The following TBPL1 variants were observed in gnomAD, a reference collection of about 807,000 sequenced individuals.
The protein encoded by TBPL1 is TATA-box binding protein like 1.
A neutral mutation model predicts 22.1 loss-of-function variants in TBPL1; 4 were observed. The observed-to-expected ratio is 0.18, with a 90% CI of 0.09 to 0.41. The LOEUF is 0.41. TBPL1 is among the 10% of genes least tolerant of loss of function. The pLI, the probability that TBPL1 is intolerant of heterozygous loss-of-function variation, is 1.00. For synonymous variants in TBPL1, 64 were observed against 71.0 expected, an observed-to-expected ratio of 0.90 and a Z score of 0.50; for missense variants, 115 against 222.3, an observed-to-expected ratio of 0.52 and a Z score of 3.07.
At chr6:133,973,254 G>T (rs1776255992) in intron 1 of TBPL1, among the ~76,000 whole-genome samples, 1 of 152,126 alleles carries the variant, frequency 6.6e-6, no homozygotes, top group African/African-American at 2.4e-5. Flanking sequence ...TTCCTATTGT[G>T]TTTGCAAATC....
intron 1 of TBPL1, among the ~76,000 whole-genome samples, chr6:133,965,304 C>T (rs1336242826): frequency 6.6e-6 from 1 of 152,102 alleles, no homozygotes; most frequent in African/African-American, 2.4e-5. Context: ...AGTAGGGGCA[C>T]ATATAAGACC....
chr6:133,974,532 T>A (rs1776280894), intron 1 of TBPL1, among the ~76,000 whole-genome samples: 1 of 152,208 alleles, frequency 6.6e-6, no homozygotes, highest in Non-Finnish European at 1.5e-5. Context: ...TTTCACCGTG[T>A]TGGTCAGGCT....
At chr6:133,957,711 G>A (rs1036277987) in intron 1 of TBPL1, among the ~76,000 whole-genome samples, 5 of 152,168 alleles carry the variant, frequency 3.3e-5, no homozygotes, top group Admixed American at 6.5e-5. Flanking sequence ...TAATGGCATG[G>A]CCTTAAATAT....
At chr6:133,975,330 TTAAG>T (rs1468570606) in intron 1 of TBPL1, among the ~76,000 whole-genome samples, 15 of 152,160 alleles carry the variant, frequency 9.9e-5, no homozygotes, top group Admixed American at 3.9e-4. Context: ...GAAAATTTAA[TTAAG>T]CAAAATAGAC....
At chr6:133,961,867 A>G (rs1270225527) in intron 1 of TBPL1, among the ~76,000 whole-genome samples, 1 of 152,138 alleles carries the variant, frequency 6.6e-6, no homozygotes, top group East Asian at 1.9e-4. Flanking sequence ...CATAGATCAC[A>G]TTCTCTTGAT....
At chr6:133,976,909 C>T (rs764026569) in intron 1 of TBPL1, among the ~76,000 whole-genome samples, 91 of 149,286 alleles carry the variant, frequency 6.1e-4, no homozygotes, top group Non-Finnish European at 1.0e-3. Context: ...CGGAGGTTGC[C>T]GTGAGCCAAG....
At chr6:133,985,219 C>T (rs1776486202) in intron 6 of TBPL1, among the ~76,000 whole-genome samples, 1 of 141,776 alleles carries the variant, frequency 7.1e-6, no homozygotes, top group Admixed American at 7.5e-5. Context: ...GCGGAGGTTG[C>T]AGCGAGCTGA....
In TBPL1 at chr6:133,987,511, T is replaced by A. The variant is rs1776549219; in HGVS notation, c.*471T>A. On this transcript the variant is annotated 3_prime_UTR_variant, in exon 7 of 7. Transcript: ENST00000237264. ...AAAGATCTCTCTTCATTCTATAACT[T>A]TTATTCCCCATTTTCTATTTTAACA... 6.6e-6 allele frequency: 1 copy of A among 152,528 alleles called. No homozygotes were observed. Among genetic ancestry groups the A allele is most frequent in the African/African-American group, 2.4e-5 (1 of 41,442 alleles). 9.4% of individuals were successfully genotyped at this position (152,528 alleles called of 1,614,324 possible). A position where few individuals can be genotyped will look rare whatever the true frequency, so the allele number is the denominator to read the frequency against.
At chr6:133,967,860 A>G (rs1185048672) in intron 1 of TBPL1, among the ~76,000 whole-genome samples, 1 of 152,200 alleles carries the variant, frequency 6.6e-6, no homozygotes, top group East Asian at 1.9e-4. Context: ...TTTTTATAAA[A>G]TCCTTTGCTG....
chr6:133,967,288 A>G (rs1449574243), intron 1 of TBPL1, among the ~76,000 whole-genome samples: 4 of 152,224 alleles, frequency 2.6e-5, no homozygotes, highest in Non-Finnish European at 5.9e-5. Flanking sequence ...GGAGTGGATC[A>G]CATGTAGAAG....
rs1776574868 is a variant in TBPL1, at chr6:133,988,735, A to ATTT, written c.*1695_*1696insTTT. ...AGACTTGTATTTTTCCTTTTTTTTA[A>ATTT]AAAAAAAGTGTTTATTTCCTTTATT... On this transcript the variant is annotated 3_prime_UTR_variant, in exon 7 of 7. Coordinates refer to ENST00000237264, the MANE Select transcript of TBPL1 (RefSeq NM_004865.4). 4 of 151,312 alleles carry ATTT rather than the reference A, an allele frequency of 2.6e-5. No individual in the cohort carries two copies. Among genetic ancestry groups the ATTT allele is most frequent in the African/African-American group, 9.7e-5 (4 of 41,316 alleles). 9.4% of individuals were successfully genotyped at this position (151,312 alleles called of 1,614,324 possible).
chr6:133,976,030 A>G (rs1776306701), intron 1 of TBPL1, among the ~76,000 whole-genome samples: 1 of 152,204 alleles, frequency 6.6e-6, no homozygotes, highest in Non-Finnish European at 1.5e-5. Flanking sequence ...CTTGGAATCT[A>G]TACAACCAGT....
chr6:133,953,437 G>T lies in TBPL1; in HGVS notation c.-45+12G>T, dbSNP rs1242763913. On this transcript the variant is annotated intron_variant, in intron 1 of 6. Transcript: ENST00000237264. The stretch of plus-strand genomic sequence containing the variant: ...TCCCTCTTCCCACGGTAACCCCCTA[G>T]GCGACCCTGGGCACAGGGAGCGCGG... 1 of 152,710 alleles carries T rather than the reference G, an allele frequency of 6.5e-6. No individual in the cohort carries two copies. The highest frequency in any genetic ancestry group is 1.9e-4 in the East Asian group (1 of 5,166). 9.5% of individuals were successfully genotyped at this position (152,710 alleles called of 1,614,324 possible). A position where few individuals can be genotyped will look rare whatever the true frequency, so the allele number is the denominator to read the frequency against.
intron 3 of TBPL1, 36 bp downstream of exon 3, chr6:133,982,686 A>G (rs368496273): frequency 4.0e-5 from 64 of 1,598,896 alleles, no homozygotes; most frequent in Admixed American, 7.0e-5. Context: ...TTTATTTTTT[A>G]CTTTTTCCCT....
At chr6:133,965,527 C>G (rs1292329740) in intron 1 of TBPL1, among the ~76,000 whole-genome samples, 5 of 152,052 alleles carry the variant, frequency 3.3e-5, no homozygotes, top group African/African-American at 1.2e-4. Flanking sequence ...GTCCCCACTC[C>G]CCTCAGCACC....
At chr6:133,977,248 A>C (rs1156495406) in intron 1 of TBPL1, among the ~76,000 whole-genome samples, 3 of 152,170 alleles carry the variant, frequency 2.0e-5, no homozygotes, top group African/African-American at 7.2e-5. Flanking sequence ...TTATTAAAGC[A>C]ATCTTTTCTG....
intron 1 of TBPL1, among the ~76,000 whole-genome samples, 191 bp from the exon 2 acceptor site, chr6:133,979,891 A>G (rs1776379131): frequency 6.6e-6 from 1 of 151,918 alleles, no homozygotes; most frequent in South Asian, 2.1e-4. Context: ...AGATGATCCA[A>G]CCACCTTGGC....
At chr6:133,967,909 A>G (rs1348559254) in intron 1 of TBPL1, among the ~76,000 whole-genome samples, 1 of 152,152 alleles carries the variant, frequency 6.6e-6, no homozygotes, top group East Asian at 1.9e-4. Flanking sequence ...ATCTTGTTTC[A>G]TGTGCACAGA....
chr6:133,984,731 A>C, intron 6 of TBPL1, 60 bp downstream of exon 6: 95 of 1,357,364 alleles, frequency 7.0e-5, no homozygotes, highest in Non-Finnish European at 9.4e-5. Flanking sequence ...CAAGATGCTC[A>C]TACCAAGATA....
Sources: allele counts gnomAD v4.1 joint callset (sites outside exome capture counted in the v4.1 genomes callset), GRCh38; gene constraint gnomAD v4.1.1; transcripts MANE v1.5; gene names NCBI Gene and HGNC (gene_info 2026-07-23, HGNC 2026-07-21).